KCNMA1: variants seen among roughly 807,000 people sequenced by gnomAD.
KCNMA1 encodes Calcium-activated potassium channel subunit alpha-1.
In KCNMA1, 29 loss-of-function variants were observed where a neutral mutation model predicts 140.0. The observed-to-expected ratio is 0.21, with a 90% confidence interval of 0.15 to 0.28. KCNMA1 has a LOEUF of 0.28. KCNMA1 is among the 10% of genes least tolerant of loss of function. The probability of loss-of-function intolerance (pLI) is 1.00; values close to 1 mark genes in which losing one functional copy is unlikely to be tolerated. For synonymous variants in KCNMA1, 612 were observed against 611.9 expected (o/e 1.00, Z 0.00); for missense variants, 880 against 1,602.2 (o/e 0.55, Z 7.70).
intron 15 of KCNMA1, among the ~76,000 whole-genome samples, chr10:77,030,606 C>T (rs1423443726): frequency 2.6e-5 from 4 of 152,084 alleles, no homozygotes; most frequent in African/African-American, 7.2e-5. Flanking sequence ...AACCTAATCC[C>T]GCTGGTAAGA....
chr10:77,160,094 G>A (rs1331722283), intron 5 of KCNMA1, among the ~76,000 whole-genome samples: 2 of 150,408 alleles, frequency 1.3e-5, no homozygotes. Flanking sequence ...TCCCTAACAG[G>A]GTAACTGGGA....
intron 2 of KCNMA1, among the ~76,000 whole-genome samples, chr10:77,289,164 C>T (rs2072215849): frequency 1.3e-5 from 2 of 152,210 alleles, no homozygotes; most frequent in South Asian, 2.1e-4. Flanking sequence ...GATCACCAAA[C>T]CCATTCTCCT....
chr10:77,286,393 T>C (rs922118252), intron 2 of KCNMA1, among the ~76,000 whole-genome samples: 6 of 152,180 alleles, frequency 3.9e-5, no homozygotes, highest in African/African-American at 1.4e-4. Context: ...TTAAAGAGAA[T>C]GTAAAAGAAA....
chr10:76,989,359 A>G (rs2082124851), intron 19 of KCNMA1, among the ~76,000 whole-genome samples: 1 of 152,168 alleles, frequency 6.6e-6, no homozygotes, highest in South Asian at 2.1e-4. Context: ...GTTTCTACAC[A>G]CATAATTGTT....
intron 2 of KCNMA1, among the ~76,000 whole-genome samples, chr10:77,271,783 C>T (rs1338908307): frequency 1.3e-5 from 2 of 152,146 alleles, no homozygotes; most frequent in Non-Finnish European, 2.9e-5. Context: ...CAAAATTATA[C>T]ATTGATTCAC....
chr10:77,256,061 T>C (rs1014357670), intron 2 of KCNMA1, among the ~76,000 whole-genome samples: 1 of 151,890 alleles, frequency 6.6e-6, no homozygotes, highest in African/African-American at 2.4e-5. Flanking sequence ...TCTGACAAGG[T>C]TCATGAAAGT....
intron 14 of KCNMA1, among the ~76,000 whole-genome samples, chr10:77,062,229 C>A (rs1045642292): frequency 7.2e-5 from 11 of 152,200 alleles, no homozygotes. Flanking sequence ...GATTACTCTG[C>A]TAATAACCTT....
At chr10:77,201,127 A>G (rs2042312536) in intron 3 of KCNMA1, among the ~76,000 whole-genome samples, 1 of 152,158 alleles carries the variant, frequency 6.6e-6, no homozygotes, top group Non-Finnish European at 1.5e-5. Flanking sequence ...GCAGGAGTTG[A>G]CAAGAGGAAA....
intron 1 of KCNMA1, chr10:77,587,699 C>T (rs2077659417): frequency 1.0e-6 from 1 of 985,270 alleles, no homozygotes; most frequent in Admixed American, 6.1e-5. Flanking sequence ...GATCTGCTCC[C>T]AGTAATAATG....
rs145985593 is a variant in KCNMA1 at position 77,278,738 on chromosome 10, A to G, written c.541-27482T>C. Among the ~76,000 whole-genome samples the G allele has an allele frequency of 2.0e-5, 3 of 152,368 alleles. No individual in the cohort carries two copies. In the East Asian group the frequency reaches 5.8e-4, roughly 29 times the overall value. On this transcript the variant is annotated intron_variant, in intron 2 of 27. Transcript: ENST00000286628. ...ATCACATGACGATTCGTTAAAGAAT[A>G]TAACCTCCACCCAAGGGGACAGTTG...
intron 1 of KCNMA1, among the ~76,000 whole-genome samples, chr10:77,600,604 C>T (rs983254994): frequency 2.0e-5 from 3 of 152,104 alleles, no homozygotes; most frequent in East Asian, 1.9e-4. Context: ...CAAAATTAGC[C>T]GGGCTTGGTG....
intron 1 of KCNMA1, among the ~76,000 whole-genome samples, chr10:77,462,772 A>C (rs1333337766): frequency 6.6e-6 from 1 of 152,194 alleles, no homozygotes; most frequent in East Asian, 1.9e-4. Context: ...GGATGAATGA[A>C]GTCGTCTCAT....
intron 1 of KCNMA1, among the ~76,000 whole-genome samples, chr10:77,414,039 T>C (rs2096679829): frequency 6.6e-6 from 1 of 152,160 alleles, no homozygotes; most frequent in Admixed American, 6.5e-5. Flanking sequence ...GCGCTGGGTG[T>C]GAACAACTAC....
At chr10:77,192,534 G>C (rs1386962079) in intron 3 of KCNMA1, among the ~76,000 whole-genome samples, 1 of 152,132 alleles carries the variant, frequency 6.6e-6, no homozygotes, top group Non-Finnish European at 1.5e-5. Flanking sequence ...CTAGCTATAG[G>C]ATCTTAAGCA....
At chr10:77,304,907 C>T (rs2077328476) in intron 2 of KCNMA1, among the ~76,000 whole-genome samples, 1 of 152,184 alleles carries the variant, frequency 6.6e-6, no homozygotes, top group Non-Finnish European at 1.5e-5. Flanking sequence ...GAGGTGACTG[C>T]TGCTTGGGAA....
rs542065138 is a variant in KCNMA1 at position 77,564,647 on chromosome 10, C to T, written c.378+72618G>A. ...ATGCATGCCCCTTCCCAAGACCAAG[C>T]GCTCTTTGAGGGCAGGTGACATGTC... On this transcript the variant is annotated intron_variant, in intron 1 of 27. Coordinates refer to ENST00000286628, the MANE Select transcript of KCNMA1 (RefSeq NM_001161352.2). Among the ~76,000 whole-genome samples the T allele has an allele frequency of 5.6e-4, 86 of 152,302 alleles. 1 individual carries two copies. The highest frequency in any genetic ancestry group is 2.0e-3 in the Admixed American group (31 of 15,292).
intron 1 of KCNMA1, among the ~76,000 whole-genome samples, chr10:77,598,844 G>A (rs2619635): frequency 0.9 from 136,259 of 152,224 alleles, 61,222 homozygotes; most frequent in Middle Eastern, 0.96. Flanking sequence ...ACCCAAATCC[G>A]AACACTCCCA....
intron 2 of KCNMA1, among the ~76,000 whole-genome samples, chr10:77,321,100 G>A (rs1273401778): frequency 2.6e-5 from 4 of 152,218 alleles, no homozygotes; most frequent in Non-Finnish European, 5.9e-5. Context: ...CCCTAGGCAA[G>A]ATGTTTATAT....
chr10:77,262,180 T>C (rs542714781), intron 2 of KCNMA1, among the ~76,000 whole-genome samples: 3 of 152,320 alleles, frequency 2.0e-5, no homozygotes, highest in South Asian at 4.1e-4. Context: ...GACAGATGAA[T>C]GGATAAACAA....
Sources: allele counts gnomAD v4.1 joint callset (sites outside exome capture counted in the v4.1 genomes callset), GRCh38; gene constraint gnomAD v4.1.1; transcripts MANE v1.5; gene names NCBI Gene and HGNC (gene_info 2026-07-23, HGNC 2026-07-21).